The following CADPS2 variants were observed in gnomAD, a reference collection of about 807,000 sequenced individuals.
CADPS2 encodes the protein calcium-dependent secretion activator 2.
Under a neutral mutation model 172.5 loss-of-function variants are expected in CADPS2, and 93 were observed. The observed-to-expected ratio is 0.54, with a 90% confidence interval of 0.46 to 0.64. CADPS2 has a LOEUF of 0.64. CADPS2 is among the 30% of genes least tolerant of loss of function. The pLI, the probability that CADPS2 is intolerant of heterozygous loss-of-function variation, is 0.00. For synonymous variants in CADPS2, 546 were observed against 555.2 expected, an observed-to-expected ratio of 0.98 and a Z score of 0.23; for missense variants, 1,420 against 1,565.9, an observed-to-expected ratio of 0.91 and a Z score of 1.57.
rs147152030 is a variant in CADPS2 at position 122,585,234 on chromosome 7, T to A, written c.1224-3944A>T. Among the ~76,000 whole-genome samples the A allele has an allele frequency of 2.0e-3, 305 of 151,766 alleles. 1 individual carries two copies. The highest frequency in any genetic ancestry group is 6.5e-3 in the African/African-American group (269 of 41,234). ...TTATTTATAAATATTTATCCTTGTA[T>A]CCTGGAAAGTTGGGATTTATCATTT... On this transcript the variant is annotated intron_variant, in intron 6 of 29. Transcript: ENST00000449022.
At chr7:122,420,782 T>C (rs1361835195) in intron 17 of CADPS2, among the ~76,000 whole-genome samples, 1 of 152,258 alleles carries the variant, frequency 6.6e-6, no homozygotes, top group Non-Finnish European at 1.5e-5. Context: ...TGAATTTCAA[T>C]GCATTGTTCT....
At chr7:122,458,783 C>T (rs2152084143) in intron 14 of CADPS2, among the ~76,000 whole-genome samples, 1 of 152,140 alleles carries the variant, frequency 6.6e-6, no homozygotes, top group Non-Finnish European at 1.5e-5. Context: ...ACCAAACAAA[C>T]AAATAAGAAA....
At chr7:122,322,656 T>C (rs1486624621) in intron 29 of CADPS2, among the ~76,000 whole-genome samples, 1 of 152,238 alleles carries the variant, frequency 6.6e-6, no homozygotes, top group African/African-American at 2.4e-5. Flanking sequence ...GGTTTCACTT[T>C]TCCCCTCCCC....
chr7:122,706,182 T>TATATGCTTATATATTCAAGGAATAC (rs1554737830), intron 2 of CADPS2, among the ~76,000 whole-genome samples: 79 of 7,716 alleles, frequency 0.01, 13 homozygotes, highest in Non-Finnish European at 0.019. Context: ...AAGGAATACA[T>TATATGCTTATATATTCAAGGAATAC]ATATATGCTT....
intron 8 of CADPS2, among the ~76,000 whole-genome samples, chr7:122,551,819 G>A (rs1274239796): frequency 6.6e-6 from 1 of 152,088 alleles, no homozygotes; most frequent in Admixed American, 6.6e-5. Flanking sequence ...AAAGCGAAAT[G>A]CTATTAATCT....
chr7:122,746,740 C>A (rs2092734054), intron 1 of CADPS2, among the ~76,000 whole-genome samples: 1 of 152,120 alleles, frequency 6.6e-6, no homozygotes, highest in Non-Finnish European at 1.5e-5. Flanking sequence ...GTGGGCCAGA[C>A]AAGCTTGCTC....
chr7:122,733,666 C>T (rs1188740531), intron 2 of CADPS2, among the ~76,000 whole-genome samples: 1 of 151,970 alleles, frequency 6.6e-6, no homozygotes, highest in African/African-American at 2.4e-5. Flanking sequence ...TTTGGGACTT[C>T]AGGAACTCAC....
chr7:122,439,657 T>C (rs1197657100), intron 16 of CADPS2, among the ~76,000 whole-genome samples: 1 of 139,804 alleles, frequency 7.2e-6, no homozygotes, highest in Non-Finnish European at 1.6e-5. Context: ...AATAGCAAAC[T>C]TTATCATTCT....
At chr7:122,734,043 T>G (rs2091913391) in intron 2 of CADPS2, among the ~76,000 whole-genome samples, 1 of 151,874 alleles carries the variant, frequency 6.6e-6, no homozygotes. Context: ...TGAAGCCCCA[T>G]TCTCAGAAAT....
At chr7:122,876,023 A>G (rs915640980) in intron 1 of CADPS2, among the ~76,000 whole-genome samples, 3 of 152,200 alleles carry the variant, frequency 2.0e-5, no homozygotes, top group Non-Finnish European at 4.4e-5. Flanking sequence ...TATAACTTAA[A>G]AAAAAAATGG....
intron 29 of CADPS2, among the ~76,000 whole-genome samples, chr7:122,321,097 A>G (rs942153514): frequency 2.0e-4 from 30 of 152,234 alleles, no homozygotes; most frequent in Non-Finnish European, 3.1e-4. Flanking sequence ...AAATCCAACA[A>G]TATTTTTCTG....
In CADPS2 at chr7:122,430,278, G is replaced by C. The variant is rs979891959; in HGVS notation, c.2476+8063C>G. On this transcript the variant is annotated intron_variant, in intron 17 of 29. Coordinates refer to ENST00000449022, the MANE Select transcript of CADPS2 (RefSeq NM_017954.11). The stretch of plus-strand genomic sequence containing the variant: ...GCCTAGGTACCAAGTCTATGCAAAA[G>C]ATCTCATGTCCAGGCAAGTCCTAAG... Among the ~76,000 whole-genome samples the C allele has an allele frequency of 5.9e-5, 9 of 152,136 alleles. No individual in the cohort carries two copies. The South Asian group carries it at 1.0e-3, about 17-fold the overall frequency.
chr7:122,782,450 C>G (rs1792975388), intron 1 of CADPS2, among the ~76,000 whole-genome samples: 1 of 152,132 alleles, frequency 6.6e-6, no homozygotes, highest in Non-Finnish European at 1.5e-5. Flanking sequence ...TCTACAACAA[C>G]AACAACAAAA....
chr7:122,321,276 G>A (rs1217910362), intron 29 of CADPS2, among the ~76,000 whole-genome samples: 2 of 152,066 alleles, frequency 1.3e-5, no homozygotes, highest in African/African-American at 4.8e-5. Context: ...AAGCAATCCT[G>A]CCACCTTAGC....
intron 1 of CADPS2, among the ~76,000 whole-genome samples, chr7:122,769,244 A>G (rs1302170538): frequency 6.6e-6 from 1 of 152,218 alleles, no homozygotes; most frequent in Non-Finnish European, 1.5e-5. Context: ...ACAGCTAAAA[A>G]TTAGAGTCAA....
At chr7:122,346,520 T>C in intron 27 of CADPS2, among the ~76,000 whole-genome samples, 1 of 152,234 alleles carries the variant, frequency 6.6e-6, no homozygotes, top group Non-Finnish European at 1.5e-5. Context: ...GGGAAAATAT[T>C]TACTATATTA....
chr7:122,811,122 T>C (rs1251703454), intron 1 of CADPS2, among the ~76,000 whole-genome samples: 1 of 152,210 alleles, frequency 6.6e-6, no homozygotes, highest in Non-Finnish European at 1.5e-5. Context: ...TTTGACAAGA[T>C]AGGCAAATGA....
At chr7:122,577,339 C>T (rs2132717299) in intron 7 of CADPS2, among the ~76,000 whole-genome samples, 1 of 152,276 alleles carries the variant, frequency 6.6e-6, no homozygotes, top group East Asian at 1.9e-4. Flanking sequence ...CCCTTTCTGG[C>T]TGACAACCCA....
At position 122,504,767 on chromosome 7, in the gene CADPS2, G is replaced by A. The variant is rs77499420; in HGVS notation, c.1542+8482C>T. On this transcript the variant is annotated intron_variant, in intron 9 of 29. Coordinates refer to ENST00000449022, the MANE Select transcript of CADPS2 (RefSeq NM_017954.11). ...TAATACAGACATGGGGTCTCACTAC[G>A]TTGTTCAGACTGGTCTCAAGCTCTC... 2.2e-4 allele frequency among the ~76,000 whole-genome samples: 33 copies of A among 152,014 alleles called. No homozygotes were observed. In the East Asian group the frequency reaches 5.5e-3, roughly 25 times the overall value.
Sources: allele counts gnomAD v4.1 joint callset (sites outside exome capture counted in the v4.1 genomes callset), GRCh38; gene constraint gnomAD v4.1.1; transcripts MANE v1.5; gene names NCBI Gene and HGNC (gene_info 2026-07-23, HGNC 2026-07-21).